TBC1D32: variants seen among roughly 807,000 people sequenced by gnomAD.
The protein encoded by TBC1D32 is protein broad-minded.
TBC1D32 carries 151 observed loss-of-function variants against 170.3 expected under a neutral mutation model. The ratio of observed to expected loss-of-function variants is 0.89; its 90% CI spans 0.78 to 1.01. TBC1D32 has a LOEUF of 1.01. TBC1D32 is among the 50% of genes least tolerant of loss of function. TBC1D32 has a pLI of 0.00. For synonymous variants in TBC1D32, 498 were observed against 488.0 expected (o/e 1.02, Z -0.27); for missense variants, 1,464 against 1,457.1 (o/e 1.00, Z -0.08).
At chr6:121,321,896 A>G (rs1809780676) in intron 1 of TBC1D32, 102 bp from the exon 2 acceptor site, 1 of 1,096,484 alleles carries the variant, frequency 9.1e-7, no homozygotes, top group South Asian at 2.0e-5. Flanking sequence ...CTTACCTTAA[A>G]CTAGGATTAA....
chr6:121,182,207 CA>C (rs1323797662), intron 22 of TBC1D32, among the ~76,000 whole-genome samples: 1 of 151,922 alleles, frequency 6.6e-6, no homozygotes, highest in Non-Finnish European at 1.5e-5. Flanking sequence ...ATAGTACTTG[CA>C]AATTCTCTGT....
intron 25 of TBC1D32, 102 bp downstream of exon 25, chr6:121,131,525 T>A: frequency 8.0e-7 from 1 of 1,244,092 alleles, no homozygotes; most frequent in Non-Finnish European, 1.1e-6. Context: ...GGATTTAGCA[T>A]TATGTTTTCT....
intron 24 of TBC1D32, among the ~76,000 whole-genome samples, chr6:121,159,199 G>GTTCCCA (rs1314494341): frequency 1.3e-5 from 2 of 152,158 alleles, no homozygotes; most frequent in African/African-American, 2.4e-5. Context: ...TTTCTATTTA[G>GTTCCCA]TTCCCATCAC....
chr6:121,099,770 C>T (rs1481881931), intron 30 of TBC1D32, among the ~76,000 whole-genome samples: 1 of 151,806 alleles, frequency 6.6e-6, no homozygotes, highest in Admixed American at 6.6e-5. Flanking sequence ...ATTAAAAGGA[C>T]ATTTTTACAT....
intron 14 of TBC1D32, among the ~76,000 whole-genome samples, chr6:121,281,334 C>T (rs1802950807): frequency 6.6e-6 from 1 of 151,402 alleles, no homozygotes; most frequent in Non-Finnish European, 1.5e-5. Context: ...CTTAGATATT[C>T]TATGTTCTTT....
intron 17 of TBC1D32, 84 bp from the exon 18 acceptor site, chr6:121,242,423 C>T (rs995816903): frequency 1.7e-5 from 23 of 1,358,652 alleles, no homozygotes; most frequent in African/African-American, 5.9e-5. Context: ...GAGCTTAACC[C>T]TGTTTACAAT....
intron 17 of TBC1D32, among the ~76,000 whole-genome samples, chr6:121,243,578 A>AAC (rs750219871): frequency 2.0e-5 from 3 of 151,526 alleles, no homozygotes; most frequent in African/African-American, 7.3e-5. Flanking sequence ...TTAGTAACAA[A>AAC]ACACACACAC....
chr6:121,094,980 T>C (rs986257789), intron 30 of TBC1D32, among the ~76,000 whole-genome samples: 1 of 152,192 alleles, frequency 6.6e-6, no homozygotes, highest in Non-Finnish European at 1.5e-5. Context: ...TTACCATTTA[T>C]ATGTCTCAAA....
intron 20 of TBC1D32, among the ~76,000 whole-genome samples, chr6:121,230,754 G>GT (rs1360411905): frequency 6.6e-6 from 1 of 151,502 alleles, no homozygotes; most frequent in African/African-American, 2.4e-5. Flanking sequence ...ATTTCAATAG[G>GT]TTTTTGGGGA....
chr6:121,181,690 GCACTATC>G (rs1788533411), intron 22 of TBC1D32, among the ~76,000 whole-genome samples: 2 of 152,084 alleles, frequency 1.3e-5, no homozygotes, highest in South Asian at 4.1e-4. Context: ...GTTTACTGCA[GCACTATC>G]CACAATGGCC....
intron 24 of TBC1D32, among the ~76,000 whole-genome samples, chr6:121,145,260 T>C (rs769669636): frequency 2.0e-5 from 3 of 152,058 alleles, no homozygotes; most frequent in Non-Finnish European, 4.4e-5. Flanking sequence ...AGCCAAAACA[T>C]GATAATAAAG....
In TBC1D32 at chr6:121,242,304, A is replaced by T. The variant is rs749171183; in HGVS notation, c.2054T>A (p.Leu685Gln). Residue 685 changes from leucine (L) to glutamine (Q), a missense_variant, in exon 18 of 32, where the codon CTA becomes CAA. By Grantham distance (113) the Leu-to-Gln change is moderately radical. Around this residue, in one of 3 missense-constraint regions of TBC1D32, gnomAD observed 1,363 missense variants for 1,338.1 expected, o/e 1.02. Coordinates refer to ENST00000398212, the MANE Select transcript of TBC1D32 (RefSeq NM_152730.6). ...AWEDNLLDDLLHFAATPKGLL... is the reference protein window; with the variant it reads ...AWEDNLLDDLQHFAATPKGLL... ...TCCTTTGGGGGTGGCAGCAAAATGT[A>T]GTAAATCATCTAACAAATTATCTTC... 1.2e-6 allele frequency: 2 copies of T among 1,612,882 alleles called. No individual in the cohort carries two copies. The highest frequency in any genetic ancestry group is 2.7e-5 in the African/African-American group (2 of 74,898).
At chr6:121,269,134 A>G (rs1282905936) in intron 15 of TBC1D32, among the ~76,000 whole-genome samples, 1 of 152,192 alleles carries the variant, frequency 6.6e-6, no homozygotes, top group East Asian at 1.9e-4. Context: ...GAATGGAACA[A>G]CTGGTACCAG....
chr6:121,195,687 C>T (rs1305683471), intron 22 of TBC1D32, among the ~76,000 whole-genome samples: 1 of 152,144 alleles, frequency 6.6e-6, no homozygotes, highest in African/African-American at 2.4e-5. Flanking sequence ...CACAGATGGC[C>T]TCATGGTGAG....
intron 31 of TBC1D32, among the ~76,000 whole-genome samples, chr6:121,085,127 AAGG>A (rs1209609677): frequency 1.3e-5 from 2 of 150,900 alleles, no homozygotes; most frequent in African/African-American, 4.8e-5. Context: ...CTCTTGAGAG[AAGG>A]AGGATTTATG....
intron 1 of TBC1D32, among the ~76,000 whole-genome samples, chr6:121,325,242 T>C (rs1024721887): frequency 6.6e-6 from 1 of 150,830 alleles, no homozygotes; most frequent in African/African-American, 2.4e-5. Flanking sequence ...CTTTGTTCTC[T>C]ACCACAACCA....
intron 15 of TBC1D32, among the ~76,000 whole-genome samples, chr6:121,268,869 C>T (rs117614423): frequency 0.033 from 5,004 of 152,214 alleles, 197 homozygotes; most frequent in East Asian, 0.12. Flanking sequence ...AGATAAAGGT[C>T]GGGTTATTCA....
chr6:121,148,011 G>C (rs113038729), intron 24 of TBC1D32, among the ~76,000 whole-genome samples: 2,002 of 143,068 alleles, frequency 0.014, 54 homozygotes, highest in African/African-American at 0.048. Flanking sequence ...TATACTTTAA[G>C]TTCTGGGATA....
At chr6:121,254,520 A>G (rs1798719094) in intron 17 of TBC1D32, among the ~76,000 whole-genome samples, 1 of 152,222 alleles carries the variant, frequency 6.6e-6, no homozygotes, top group Non-Finnish European at 1.5e-5. Context: ...AAAGCAGCTC[A>G]TTGTGTGACA....
Sources: allele counts gnomAD v4.1 joint callset (sites outside exome capture counted in the v4.1 genomes callset), GRCh38; gene constraint gnomAD v4.1.1; regional missense constraint gnomAD v4.1.1; transcripts MANE v1.5; gene names NCBI Gene and HGNC (gene_info 2026-07-23, HGNC 2026-07-21).